Variants in CSMD2 observed in about 807,000 individuals in gnomAD.
CSMD2 encodes CUB and Sushi multiple domains 2.
Under a neutral mutation model 398.5 loss-of-function variants are expected in CSMD2, and 130 were observed. The ratio of observed to expected loss-of-function variants is 0.33; its 90% CI spans 0.28 to 0.38. The LOEUF (loss-of-function observed/expected upper bound fraction) is 0.38, where lower values mean the gene tolerates loss of function less well. Among genes scored for constraint, CSMD2 ranks in the 10% least tolerant of loss-of-function variants. The pLI is 1.00. For synonymous variants in CSMD2, 1,828 were observed against 1,908.5 expected (o/e 0.96, Z 1.10); for missense variants, 3,829 against 4,764.9 (o/e 0.80, Z 5.78).
rs1646630474 is a variant in CSMD2 at position 33,993,559 on chromosome 1, T to TC, written c.517+39034dup. Among the ~76,000 whole-genome samples the TC allele has an allele frequency of 2.0e-5, 3 of 148,474 alleles. No homozygotes were observed. The Admixed American group carries it at 2.1e-4, about 10-fold the overall frequency. Reference sequence around the variant, plus strand: ...CACACTTCTACACCCTCAGCCAGCCTCTCCCTCTCTCTCTCGTCACTTCTT... The same window carrying TC: ...CACACTTCTACACCCTCAGCCAGCCTCCTCCCTCTCTCTCTCGTCACTTCTT... On this transcript the variant is annotated intron_variant, in intron 3 of 70. Transcript: ENST00000373381.
intron 2 of CSMD2, among the ~76,000 whole-genome samples, chr1:34,049,805 T>C (rs1652971728): frequency 6.6e-6 from 1 of 152,222 alleles, no homozygotes; most frequent in Admixed American, 6.5e-5. Flanking sequence ...GCTTAGGTAA[T>C]GGACTGAGTG....
At chr1:33,576,712 A>G (rs936745894) in intron 49 of CSMD2, among the ~76,000 whole-genome samples, 5 of 152,228 alleles carry the variant, frequency 3.3e-5, no homozygotes, top group Non-Finnish European at 5.9e-5. Context: ...TAATCAATAC[A>G]TAAAAGACCA....
chr1:33,986,211 G>A lies in CSMD2; in HGVS notation c.517+46383C>T, dbSNP rs539004697. ...ACCTTGAAGCTTTCCACTCAGCTCC[G>A]GCTTCTGGGGATACAAGGCTCAGGC... On this transcript the variant is annotated intron_variant, in intron 3 of 70. Coordinates refer to ENST00000373381, the MANE Select transcript of CSMD2 (RefSeq NM_001281956.2). Among the ~76,000 whole-genome samples the A allele has an allele frequency of 7.2e-5, 11 of 152,198 alleles. No individual in the cohort carries two copies. In the South Asian group the frequency reaches 1.7e-3, roughly 23 times the overall value.
chr1:33,699,209 T>G (rs939696629), intron 23 of CSMD2, among the ~76,000 whole-genome samples: 6 of 152,258 alleles, frequency 3.9e-5, no homozygotes, highest in African/African-American at 1.4e-4. Context: ...TTTCTTTTGT[T>G]TGACCCCGTA....
intron 62 of CSMD2, among the ~76,000 whole-genome samples, chr1:33,534,871 C>T (rs556893509): frequency 4.6e-5 from 7 of 152,310 alleles, no homozygotes; most frequent in African/African-American, 1.7e-4. Flanking sequence ...CTTGGTTCTG[C>T]CTACAAAATG....
At chr1:34,096,393 G>A (rs1025752152) in intron 1 of CSMD2, among the ~76,000 whole-genome samples, 4 of 152,074 alleles carry the variant, frequency 2.6e-5, no homozygotes, top group Non-Finnish European at 5.9e-5. Context: ...TCAACATAGC[G>A]TTGGAAGCTC....
rs181938030 is a variant in CSMD2 at position 33,981,683 on chromosome 1, C to T, written c.518-45729G>A. 6.6e-5 allele frequency among the ~76,000 whole-genome samples: 10 copies of T among 152,332 alleles called. No individual in the cohort carries two copies. The East Asian group carries it at 1.7e-3, about 27-fold the overall frequency. ...TTCAGTCTCATGAAGGAGACAGGTG[C>T]TCATACAGCAATGACACTGCCAAGT... is the stretch of plus-strand genomic sequence containing the variant. On this transcript the variant is annotated intron_variant, in intron 3 of 70. Transcript: ENST00000373381.
At chr1:33,744,678 G>T (rs969819220) in intron 13 of CSMD2, among the ~76,000 whole-genome samples, 4 of 152,010 alleles carry the variant, frequency 2.6e-5, no homozygotes, top group African/African-American at 9.7e-5. Context: ...TATCAATATT[G>T]AATTAGAACC....
rs1210457914 is a variant in CSMD2 at position 33,567,746 on chromosome 1, C to T, written c.8227G>A (p.Glu2743Lys). ...LTKAGHCGTPEPIVNGHINGE... is the reference protein window; with the variant it reads ...LTKAGHCGTPKPIVNGHINGE... ...TTGATGTGTCCGTTGACAATGGGCTCAGGAGTCCCACAGTGTCCAGCTTTG... is the reference window on the plus strand; with the variant it reads ...TTGATGTGTCCGTTGACAATGGGCTTAGGAGTCCCACAGTGTCCAGCTTTG... The change falls in exon 53 of 71, where the codon GAG (glutamate) becomes AAG (lysine). Residue 2743 changes from glutamate to lysine, a missense_variant. Transcript: ENST00000373381. The T allele has an allele frequency of 6.2e-7, 1 of 1,613,922 alleles. No homozygotes were observed. The highest frequency in any genetic ancestry group is 8.5e-7 in the Non-Finnish European group (1 of 1,180,000).
chr1:33,976,704 T>A (rs1399298368), intron 3 of CSMD2, among the ~76,000 whole-genome samples: 2 of 152,190 alleles, frequency 1.3e-5, no homozygotes, highest in East Asian at 1.9e-4. Context: ...ATTCTTTTGA[T>A]GAGGCCTCTG....
In CSMD2 at chr1:33,740,604, C is replaced by T. The variant is rs140174354; in HGVS notation, c.2174-1270G>A. 1.0e-3 allele frequency among the ~76,000 whole-genome samples: 153 copies of T among 152,304 alleles called. 1 individual carries two copies. The highest frequency in any genetic ancestry group is 3.5e-3 in the African/African-American group (146 of 41,562). ...CCATGCAGGGCTTCAGTTGAGTGCCCAACACCCTTCCATTTGAACGCTTAG... is the reference window on the plus strand; with the variant it reads ...CCATGCAGGGCTTCAGTTGAGTGCCTAACACCCTTCCATTTGAACGCTTAG... On this transcript the variant is annotated intron_variant, in intron 14 of 70. Transcript: ENST00000373381.
At chr1:33,600,823 G>A (rs1253482521) in intron 44 of CSMD2, 42 bp downstream of exon 44, 1 of 1,607,470 alleles carries the variant, frequency 6.2e-7, no homozygotes, top group East Asian at 2.2e-5. Context: ...GCCTTGACTT[G>A]AAAGCCTGGC....
chr1:33,816,323 T>C (rs572670843), intron 9 of CSMD2, among the ~76,000 whole-genome samples: 1 of 152,300 alleles, frequency 6.6e-6, no homozygotes, highest in East Asian at 1.9e-4. Context: ...CTAAACTCTA[T>C]CAACACCAAT....
At chr1:33,789,102 C>T (rs142692840) in intron 11 of CSMD2, among the ~76,000 whole-genome samples, 20 of 152,248 alleles carry the variant, frequency 1.3e-4, no homozygotes, top group African/African-American at 3.1e-4. Flanking sequence ...AAAAGACCAC[C>T]GCCACCCCCA....
chr1:33,900,316 C>T (rs991982223), intron 5 of CSMD2, among the ~76,000 whole-genome samples: 1 of 152,060 alleles, frequency 6.6e-6, no homozygotes, highest in African/African-American at 2.4e-5. Context: ...TGGTGCCCTC[C>T]TTGGTGTCAG....
intron 3 of CSMD2, among the ~76,000 whole-genome samples, chr1:34,003,994 A>C (rs1195051709): frequency 2.0e-5 from 3 of 152,132 alleles, no homozygotes; most frequent in Non-Finnish European, 4.4e-5. Context: ...CACAATGCCT[A>C]CCTGCCCTCT....
chr1:33,605,050 T>A (rs1466835486), intron 42 of CSMD2, among the ~76,000 whole-genome samples: 3 of 152,166 alleles, frequency 2.0e-5, no homozygotes, highest in Admixed American at 6.5e-5. Flanking sequence ...TCCTCTTGGC[T>A]GTGGCCCACA....
rs6143186 is a variant in CSMD2 at position 34,111,982 on chromosome 1, TTCTCTCTC to T, written c.188-22797_188-22790del. ...CCTTATTTCAATAAATTCTTTCAAATTCTCTCTCTCTCTCTCTCTCTCTCTCTCTCTCT... is the reference window on the plus strand; with the variant it reads ...CCTTATTTCAATAAATTCTTTCAAATTCTCTCTCTCTCTCTCTCTCTCTCT... On this transcript the variant is annotated intron_variant, in intron 1 of 70. Coordinates refer to ENST00000373381, the MANE Select transcript of CSMD2 (RefSeq NM_001281956.2). Among the ~76,000 whole-genome samples the T allele has an allele frequency of 8.1e-3, 1,207 of 149,792 alleles. 14 individuals are homozygous for T. The highest frequency in any genetic ancestry group is 0.025 in the African/African-American group (1,012 of 40,680).
chr1:33,769,182 G>T (rs1039432362), intron 13 of CSMD2, among the ~76,000 whole-genome samples: 59 of 152,214 alleles, frequency 3.9e-4, no homozygotes, highest in Admixed American at 3.8e-3. Flanking sequence ...GATTGTATGG[G>T]AAATGCTCTC....
Sources: gnomAD v4.1 joint callset for allele counts (sites outside exome capture counted in the v4.1 genomes callset) on GRCh38, gnomAD v4.1.1 for gene constraint, MANE v1.5 for transcripts, NCBI Gene and HGNC (gene_info 2026-07-23, HGNC 2026-07-21) for gene names.